PAPOLG: variants seen among roughly 807,000 people sequenced by gnomAD.
PAPOLG encodes poly(A) polymerase gamma.
Under a neutral mutation model 99.0 loss-of-function variants are expected in PAPOLG, and 40 were observed. The observed-to-expected ratio is 0.40, with a 90% CI of 0.31 to 0.53. The LOEUF (loss-of-function observed/expected upper bound fraction) is 0.53. Ranked by LOEUF, PAPOLG falls within the 20% of genes least tolerant of loss-of-function variation. The pLI, the probability that PAPOLG is intolerant of heterozygous loss-of-function variation, is 0.41. For synonymous variants in PAPOLG, 310 were observed against 299.3 expected (o/e 1.04, Z -0.37); for missense variants, 675 against 884.1 (o/e 0.76, Z 3.00).
At chr2:60,795,109 C>G (rs1211953751) in intron 21 of PAPOLG, 89 bp downstream of exon 21, 1 of 1,162,126 alleles carries the variant, frequency 8.6e-7, no homozygotes, top group Non-Finnish European at 1.3e-6. Flanking sequence ...AAGAGCCTAG[C>G]ACTGGGAAAA....
Position 60,758,562 on chromosome 2 carries a change from G to T in PAPOLG, c.18-1572G>T, listed in dbSNP as rs536487322. On this transcript the variant is annotated intron_variant, in intron 1 of 21. Coordinates refer to ENST00000238714, the MANE Select transcript of PAPOLG (RefSeq NM_022894.4). ...CCTGCCTCAGCCTCCCGAGTAGCCG[G>T]GATTACAGACGTCCGCCACCATGCC... Among the ~76,000 whole-genome samples the T allele has an allele frequency of 3.3e-5, 5 of 151,646 alleles. No homozygotes were observed. In the South Asian group the frequency reaches 1.0e-3, roughly 32 times the overall value.
intron 13 of PAPOLG, among the ~76,000 whole-genome samples, chr2:60,786,125 G>C (rs1297189973): frequency 6.6e-6 from 1 of 151,774 alleles, no homozygotes; most frequent in Non-Finnish European, 1.5e-5. Context: ...ATGCTGTTTG[G>C]TTTACTTGAG....
rs765904108 is a variant in PAPOLG at position 60,774,368 on chromosome 2, C to CT, written c.605-651dup. 7.4e-3 allele frequency among the ~76,000 whole-genome samples: 834 copies of CT among 112,540 alleles called. 9 individuals are homozygous for CT. The highest frequency in any genetic ancestry group is 0.02 in the African/African-American group (617 of 30,098). The allele number at this position is 112,540 out of a possible 152,430, so 73.8% of individuals were successfully genotyped here. A position where few individuals can be genotyped will look rare whatever the true frequency, so the allele number is the denominator to read the frequency against. ...CAGACCATACTTTGAGAACTAATGT[C>CT]TTTTTTTTTTTTTTTGAGACAGAGT... On this transcript the variant is annotated intron_variant, in intron 7 of 21. Transcript: ENST00000238714.
At chr2:60,779,453 T>C (rs2103796014) in intron 8 of PAPOLG, 184 bp from the exon 9 acceptor site, 3 of 576,104 alleles carry the variant, frequency 5.2e-6, no homozygotes, top group Non-Finnish European at 8.8e-6. Context: ...GGGCCTAATG[T>C]GAAGGTCTGC....
At chr2:60,797,031 T>C (rs762505922) in intron 21 of PAPOLG, 31 bp from the exon 22 acceptor site, 3 of 1,612,600 alleles carry the variant, frequency 1.9e-6, no homozygotes, top group Non-Finnish European at 2.5e-6. Flanking sequence ...GATGTGCTTT[T>C]CCTTTTTTGT....
At chr2:60,787,991 G>A (rs1367948401) in intron 15 of PAPOLG, among the ~76,000 whole-genome samples, 4 of 151,786 alleles carry the variant, frequency 2.6e-5, no homozygotes, top group South Asian at 2.1e-4. Context: ...GCAGTGAGCC[G>A]AGATCGCCCC....
chr2:60,775,686 A>G (rs536498930), intron 8 of PAPOLG, among the ~76,000 whole-genome samples: 1 of 152,226 alleles, frequency 6.6e-6, no homozygotes, highest in Non-Finnish European at 1.5e-5. Flanking sequence ...GTTCCAGACA[A>G]CTGCAGTAAA....
chr2:60,756,579 G>A, intron 1 of PAPOLG, 84 bp downstream of exon 1: 1 of 1,422,718 alleles, frequency 7.0e-7, no homozygotes, highest in East Asian at 2.5e-5. Flanking sequence ...TCCGTTCCCT[G>A]TCCCTTGCGC....
chr2:60,783,731 C>G (rs1250977846), intron 13 of PAPOLG, among the ~76,000 whole-genome samples: 1 of 151,828 alleles, frequency 6.6e-6, no homozygotes, highest in Non-Finnish European at 1.5e-5. Context: ...CCAGGCTGGT[C>G]TCGAACTCCT....
At chr2:60,757,952 G>A (rs776761556) in intron 1 of PAPOLG, among the ~76,000 whole-genome samples, 6 of 152,172 alleles carry the variant, frequency 3.9e-5, no homozygotes, top group Non-Finnish European at 7.3e-5. Context: ...CCGTCATCAT[G>A]GTGTCAGAGC....
chr2:60,790,628 A>G (rs1671502724), intron 15 of PAPOLG, among the ~76,000 whole-genome samples: 1 of 152,234 alleles, frequency 6.6e-6, no homozygotes, highest in Non-Finnish European at 1.5e-5. Flanking sequence ...GATCCTGGCA[A>G]GGTATTCAGA....
chr2:60,788,722 T>C (rs1671440964), intron 15 of PAPOLG, among the ~76,000 whole-genome samples: 2 of 152,188 alleles, frequency 1.3e-5, no homozygotes, highest in African/African-American at 4.8e-5. Context: ...CCAGGCACGG[T>C]GGCTCACAAG....
intron 3 of PAPOLG, among the ~76,000 whole-genome samples, chr2:60,762,246 C>T (rs60679226): frequency 6.6e-6 from 1 of 152,218 alleles, no homozygotes; most frequent in East Asian, 1.9e-4. Flanking sequence ...TACTATGTTT[C>T]TCATGTGGGA....
At position 60,774,101 on chromosome 2, in the gene PAPOLG, G is replaced by GTTTTTTGT. The variant is rs1553377517; in HGVS notation, c.605-927_605-926insGTTTTTTT. On this transcript the variant is annotated intron_variant, in intron 7 of 21. Transcript: ENST00000238714. ...TTGCCCCATGTGTTTTTTGTTTTTT[G>GTTTTTTGT]TTTTTTTTTTGAGACGGGAGTCTCG... Among the ~76,000 whole-genome samples, 277 of 143,748 alleles carry GTTTTTTGT rather than the reference G, an allele frequency of 1.9e-3. 8 individuals are homozygous for GTTTTTTGT. The South Asian group carries it at 0.054, about 28-fold the overall frequency. The allele number at this position is 143,748 out of a possible 152,430, so 94.3% of individuals were successfully genotyped here.
intron 13 of PAPOLG, among the ~76,000 whole-genome samples, chr2:60,784,565 A>C (rs984500334): frequency 3.9e-5 from 6 of 152,184 alleles, no homozygotes; most frequent in Non-Finnish European, 1.5e-5. Context: ...AAACAGCAAT[A>C]CTGTTTTATT....
chr2:60,772,013 C>G (rs749915922), intron 7 of PAPOLG, among the ~76,000 whole-genome samples: 14 of 150,300 alleles, frequency 9.3e-5, no homozygotes, highest in Non-Finnish European at 1.5e-4. Flanking sequence ...TTAATATAAA[C>G]TTTTGTGTGT....
At chr2:60,762,706 A>G (rs1573218251) in intron 3 of PAPOLG, among the ~76,000 whole-genome samples, 1 of 151,960 alleles carries the variant, frequency 6.6e-6, no homozygotes, top group South Asian at 2.1e-4. Flanking sequence ...GGCTCAGTGC[A>G]ACCTCCTCCT....
At position 60,800,098 on chromosome 2, in the gene PAPOLG, T is replaced by TTAAACCTTAGGG. The variant is rs2103839104; in HGVS notation, c.*2939_*2950dup. The TTAAACCTTAGGG allele has an allele frequency of 6.6e-6, 1 of 152,496 alleles. No individual in the cohort carries two copies. The highest frequency in any genetic ancestry group is 2.4e-5 in the African/African-American group (1 of 41,584). 9.4% of individuals were successfully genotyped at this position (152,496 alleles called of 1,614,324 possible). ...GAAAGGAAAACAATTACCTGCTAGC[T>TTAAACCTTAGGG]TAAACCTTAGGGACTTAACCAATTC... is the stretch of plus-strand genomic sequence containing the variant. On this transcript the variant is annotated 3_prime_UTR_variant, in exon 22 of 22. Transcript: ENST00000238714.
rs772128951 is a variant in PAPOLG at position 60,792,134 on chromosome 2, T to C, written c.1524T>C (p.Ser508=). 6.3e-7 allele frequency: 1 copy of C among 1,577,072 alleles called. No homozygotes were observed. The highest frequency in any genetic ancestry group is 1.2e-5 in the South Asian group (1 of 84,854). The part of the protein sequence containing the change: ...AEILQKKKKQ[S]LSDVNRSSGG... The stretch of plus-strand genomic sequence containing the variant: ...AAATCGTTCCCTTCTTTCAGCAAAG[T>C]CTCTCTGATGTCAATCGAAGCTCGG... Residue 508 remains serine (S), a synonymous_variant, in exon 17 of 22, where the codon AGT becomes AGC. Coordinates refer to ENST00000238714, the MANE Select transcript of PAPOLG (RefSeq NM_022894.4).
Sources: allele counts gnomAD v4.1 joint callset (sites outside exome capture counted in the v4.1 genomes callset), GRCh38; gene constraint gnomAD v4.1.1; transcripts MANE v1.5; gene names NCBI Gene and HGNC (gene_info 2026-07-23, HGNC 2026-07-21).